Variants in PDE1C observed in about 807,000 individuals in gnomAD.
PDE1C encodes dual specificity calcium/calmodulin-dependent 3',5'-cyclic nucleotide phosphodiesterase 1C.
In PDE1C, 62 loss-of-function variants were observed where a neutral mutation model predicts 93.1. That is an observed-to-expected ratio of 0.67 (90% CI 0.54 to 0.82). The LOEUF is 0.82. Among genes scored for constraint, PDE1C ranks in the 40% least tolerant of loss-of-function variants. The pLI is 0.00. For synonymous variants in PDE1C, 325 were observed against 310.1 expected (o/e 1.05, Z -0.50); for missense variants, 742 against 884.6 (o/e 0.84, Z 2.04).
chr7:31,714,711 G>A, the PDE1C span, among the ~76,000 whole-genome samples: 1 of 152,348 alleles, frequency 6.6e-6, no homozygotes, highest in East Asian at 1.9e-4. Flanking sequence ...CGCAGGCAAA[G>A]AGAATTTCTG....
chr7:32,166,465 A>G (rs941481426), intron 3 of PDE1C, among the ~76,000 whole-genome samples: 1 of 152,156 alleles, frequency 6.6e-6, no homozygotes, highest in African/African-American at 2.4e-5. Context: ...GCATGCTCCC[A>G]AGACTCTGCT....
intron 17 of PDE1C, among the ~76,000 whole-genome samples, chr7:31,768,228 T>C (rs940329898): frequency 6.6e-6 from 1 of 152,184 alleles, no homozygotes; most frequent in Non-Finnish European, 1.5e-5. Context: ...TAGTGGTGTT[T>C]ACTTGAGACT....
intron 3 of PDE1C, among the ~76,000 whole-genome samples, chr7:32,116,712 G>A (rs779572543): frequency 6.6e-6 from 1 of 152,178 alleles, no homozygotes; most frequent in Non-Finnish European, 1.5e-5. Flanking sequence ...TAGAGAGTGA[G>A]AAGCCAGAAT....
the PDE1C span, among the ~76,000 whole-genome samples, chr7:31,668,764 T>C: frequency 1.3e-5 from 2 of 151,974 alleles, no homozygotes; most frequent in African/African-American, 4.8e-5. Context: ...ATGGTGATGG[T>C]TGCACAATTC....
intron 1 of PDE1C, among the ~76,000 whole-genome samples, chr7:32,365,186 A>T (rs1784207560): frequency 1.3e-5 from 2 of 152,156 alleles, no homozygotes; most frequent in African/African-American, 4.8e-5. Flanking sequence ...TTGTGCTCCC[A>T]GTCCAGCTGA....
At chr7:31,851,671 T>C (rs748105223) in intron 7 of PDE1C, among the ~76,000 whole-genome samples, 4 of 152,216 alleles carry the variant, frequency 2.6e-5, no homozygotes, top group Admixed American at 6.6e-5. Flanking sequence ...TATGATTTAT[T>C]CTAAACCACA....
At chr7:32,276,264 G>A (rs1320088832) in intron 1 of PDE1C, among the ~76,000 whole-genome samples, 3 of 152,168 alleles carry the variant, frequency 2.0e-5, no homozygotes. Flanking sequence ...GAGGCAAAGA[G>A]AAGAAATAGG....
intron 1 of PDE1C, among the ~76,000 whole-genome samples, chr7:32,250,869 C>T (rs558207424): frequency 6.6e-6 from 1 of 152,340 alleles, no homozygotes; most frequent in South Asian, 2.1e-4. Flanking sequence ...TTGGCTGTAA[C>T]ACACCGCAAA....
chr7:31,865,880 C>T (rs1795227139), intron 6 of PDE1C, among the ~76,000 whole-genome samples: 2 of 152,034 alleles, frequency 1.3e-5, no homozygotes, highest in Non-Finnish European at 1.5e-5. Flanking sequence ...CTTTGTTTTC[C>T]TACAAATGAG....
intron 1 of PDE1C, among the ~76,000 whole-genome samples, chr7:32,400,587 T>C (rs759347509): frequency 2.6e-4 from 40 of 152,216 alleles, no homozygotes; most frequent in Non-Finnish European, 5.0e-4. Context: ...GTGTTTGCCA[T>C]GGAAAGTTTT....
chr7:31,878,083 G>C (rs548209109), intron 4 of PDE1C, 47 bp from the exon 5 acceptor site: 3 of 1,357,580 alleles, frequency 2.2e-6, no homozygotes, highest in Admixed American at 1.7e-5. Context: ...TTATAAAGTA[G>C]GATTTGTAAT....
intron 2 of PDE1C, among the ~76,000 whole-genome samples, chr7:31,999,065 C>T (rs984876281): frequency 6.6e-6 from 1 of 152,122 alleles, no homozygotes; most frequent in Non-Finnish European, 1.5e-5. Flanking sequence ...TTTCCTATGC[C>T]GACCCTTACT....
chr7:31,912,125 A>G (rs1026978266), intron 2 of PDE1C, among the ~76,000 whole-genome samples: 12 of 152,212 alleles, frequency 7.9e-5, no homozygotes, highest in Non-Finnish European at 1.0e-4. Flanking sequence ...CAAATTATAT[A>G]TATGTACAGG....
chr7:32,271,279 G>A lies in PDE1C; in HGVS notation c.85+27372C>T, dbSNP rs114250693. On this transcript the variant is annotated intron_variant, in intron 1 of 18. Coordinates refer to the PDE1C transcript ENST00000396193. ...TCTACTTGACAGGGATGGAGCCAGT[G>A]GAAAGAGTTTTGCTTTTTGTTTGTT... 3.4e-3 allele frequency among the ~76,000 whole-genome samples: 524 copies of A among 152,282 alleles called. 4 individuals carry two copies. Among genetic ancestry groups the A allele is most frequent in the African/African-American group, 0.012 (491 of 41,554 alleles).
chr7:31,918,035 G>A (rs1802147527), intron 2 of PDE1C, among the ~76,000 whole-genome samples: 1 of 152,118 alleles, frequency 6.6e-6, no homozygotes, highest in Non-Finnish European at 1.5e-5. Flanking sequence ...TAAGCCCCAG[G>A]AGATTTACAA....
chr7:32,290,957 T>A (rs1281159374), intron 1 of PDE1C, among the ~76,000 whole-genome samples: 3 of 152,156 alleles, frequency 2.0e-5, no homozygotes, highest in African/African-American at 7.2e-5. Flanking sequence ...TGGTTATTAT[T>A]ATTTTCAAGT....
chr7:31,921,125 G>T (rs1802571322), intron 2 of PDE1C, among the ~76,000 whole-genome samples: 1 of 152,180 alleles, frequency 6.6e-6, no homozygotes, highest in Non-Finnish European at 1.5e-5. Context: ...CCCTTGTCTG[G>T]TGCATCTTTA....
the PDE1C span, among the ~76,000 whole-genome samples, chr7:31,719,403 A>G: frequency 6.6e-6 from 1 of 152,122 alleles, no homozygotes; most frequent in East Asian, 1.9e-4. Flanking sequence ...GCAAGTCGAC[A>G]CCTGTTTCCT....
chr7:31,912,199 G>A (rs1045662515), intron 2 of PDE1C, among the ~76,000 whole-genome samples: 2 of 152,154 alleles, frequency 1.3e-5, no homozygotes, highest in Non-Finnish European at 2.9e-5. Flanking sequence ...CAATAGATAA[G>A]AAGAGAGAAT....
Sources: gnomAD v4.1 joint callset for allele counts (sites outside exome capture counted in the v4.1 genomes callset) on GRCh38, gnomAD v4.1.1 for gene constraint, MANE v1.5 for transcripts, NCBI Gene and HGNC (gene_info 2026-07-23, HGNC 2026-07-21) for gene names.